The following KDM5C variants were observed in gnomAD, a reference collection of about 807,000 sequenced individuals.
KDM5C encodes the protein lysine-specific demethylase 5C.
A neutral mutation model predicts 110.6 loss-of-function variants in KDM5C; 16 were observed. The observed-to-expected ratio is 0.14, with a 90% CI of 0.10 to 0.22. The LOEUF is 0.22. KDM5C is among the 10% of genes least tolerant of loss of function. The pLI is 1.00. For synonymous variants in KDM5C, 511 were observed against 520.4 expected, an observed-to-expected ratio of 0.98 and a Z score of 0.24; for missense variants, 681 against 1,300.9, an observed-to-expected ratio of 0.52 and a Z score of 7.33.
chrX:53,214,636 TGAAG>T, intron 8 of KDM5C, 49 bp downstream of exon 8: 2 of 1,166,454 alleles, frequency 1.7e-6, no homozygotes, highest in South Asian at 3.8e-5. Flanking sequence ...TAAGGCCAGA[TGAAG>T]GAAGGCAAGG....
chrX:53,186,628 G>C (rs976202392), downstream of KDM5C, among the ~76,000 whole-genome samples: 3 of 112,576 alleles, frequency 2.7e-5, no homozygotes, highest in Non-Finnish European at 5.6e-5. Context: ...CTGTGACCAG[G>C]TGACTAAGGG....
chrX:53,223,476 G>C (rs782187174), intron 1 of KDM5C, among the ~76,000 whole-genome samples: 2 of 111,261 alleles, frequency 1.8e-5, no homozygotes, highest in African/African-American at 6.5e-5. Flanking sequence ...CACCAAGTTG[G>C]ATAAGGAGGC....
chrX:53,212,034 C>A (rs782518231), intron 8 of KDM5C, 128 bp from the exon 9 acceptor site: 1 of 802,722 alleles, frequency 1.2e-6, no homozygotes, highest in Admixed American at 2.6e-5. Context: ...GCCCCTGAGG[C>A]AGGCCTTACT....
chrX:53,224,318 C>A (rs1448172645), intron 1 of KDM5C, among the ~76,000 whole-genome samples: 1 of 112,074 alleles, frequency 8.9e-6, no homozygotes, highest in Admixed American at 9.4e-5. Context: ...AGTCTGTCTC[C>A]CTTCAGGACT....
Position 53,216,223 on chromosome X carries a change from A to C in KDM5C, c.658-26T>G, listed in dbSNP as rs782691966. ...CTGGAAGGAAAGAAGGAAATGAATC[A>C]AGACTGCTATCTGGGGCAGACTGTC... On this transcript the variant is annotated intron_variant, in intron 5 of 25. Transcript: ENST00000375401. 12 of 1,208,362 alleles carry C rather than the reference A, an allele frequency of 9.9e-6. No individual in the cohort carries two copies. The East Asian group carries it at 3.6e-4, about 36-fold the overall frequency.
In KDM5C at chrX:53,216,062, G is replaced by T; in HGVS notation, c.781+12C>A. ...TCCCCAGGTGAGGCCACCCCAGCCT[G>T]TTAGGCCTTACCTTTCTTCCGCAGA... is the stretch of plus-strand genomic sequence containing the variant. On this transcript the variant is annotated intron_variant, in intron 6 of 25. Transcript: ENST00000375401. The T allele has an allele frequency of 8.2e-7, 1 of 1,212,442 alleles. No homozygotes were observed. Among genetic ancestry groups the T allele is most frequent in the Non-Finnish European group, 1.1e-6 (1 of 895,651 alleles).
chrX:53,216,083 G>A lies in KDM5C; in HGVS notation c.772C>T (p.Arg258Trp), dbSNP rs1569278482. 3 of 1,211,185 alleles carry A rather than the reference G, an allele frequency of 2.5e-6. No homozygotes were observed. The highest frequency in any genetic ancestry group is 1.7e-5 in the African/African-American group (1 of 57,554). The change falls in exon 6 of 26, where the codon CGG (arginine) becomes TGG (tryptophan). Residue 258 changes from arginine (R) to tryptophan (W), a missense_variant. Around this residue, in one of 14 missense-constraint regions of KDM5C, gnomAD observed 71 missense variants for 115.0 expected, o/e 0.62. Transcript: ENST00000375401. ...GCCTGTTAGGCCTTACCTTTCTTCC[G>A]CAGAGTCTTGTCTTTGGCCATGAGG... ...LGLMAKDKTL[R>W]KKDKEGPECP...
At chrX:53,206,406 A>G (rs929964397) in intron 12 of KDM5C, among the ~76,000 whole-genome samples, 2 of 111,727 alleles carry the variant, frequency 1.8e-5, no homozygotes, top group Non-Finnish European at 3.8e-5. Context: ...GCACAACTCC[A>G]TAAATTTACT....
intron 12 of KDM5C, 173 bp from the exon 13 acceptor site, chrX:53,202,146 G>C: frequency 2.0e-6 from 1 of 509,456 alleles, no homozygotes; most frequent in South Asian, 3.0e-5. Flanking sequence ...CTGCTCTCAA[G>C]GTTTTGATGT....
rs112081027 is a variant in KDM5C, at chrX:53,220,656, T to A, written c.228+183A>T. ...AATGCTAAATGCCCCTGGCTCTTGG[T>A]TATATTTAGAGCTCTAAAGCTTCTT... On this transcript the variant is annotated intron_variant, in intron 2 of 25. Transcript: ENST00000375401. 0.025 allele frequency among the ~76,000 whole-genome samples: 2,791 copies of A among 112,185 alleles called. 91 individuals carry two copies. The highest frequency in any genetic ancestry group is 0.086 in the African/African-American group (2,650 of 30,790).
chrX:53,192,773 GC>G lies in KDM5C; in HGVS notation c.*193del. 1 of 1,142,023 alleles carries G rather than the reference GC, an allele frequency of 8.8e-7. No individual in the cohort carries two copies. Among genetic ancestry groups the G allele is most frequent in the Middle Eastern group, 3.0e-4 (1 of 3,335 alleles). The allele number at this position is 1,142,023 out of a possible 1,213,427, so 94.1% of individuals were successfully genotyped here. On this transcript the variant is annotated 3_prime_UTR_variant, in exon 26 of 26. Coordinates refer to ENST00000375401, the MANE Select transcript of KDM5C (RefSeq NM_004187.5). ...CAGGGAGGGAAGACTCCAGGGGCCG[GC>G]CCCCAGGAGCTGAGGTCTGAACAAT...
In KDM5C at chrX:53,197,996, T is replaced by A. The variant is rs1381673266; in HGVS notation, c.2517-120A>T. ...CCACCTTGATCTCGCATATTTCAAA[T>A]TTGCCCCAATTGCCCAGGTTAGAGG... On this transcript the variant is annotated intron_variant, in intron 17 of 25. Coordinates refer to ENST00000375401, the MANE Select transcript of KDM5C (RefSeq NM_004187.5). 3 of 572,724 alleles carry A rather than the reference T, an allele frequency of 5.2e-6. No individual in the cohort carries two copies. The East Asian group carries it at 1.1e-4, about 21-fold the overall frequency. 47.2% of individuals were successfully genotyped at this position (572,724 alleles called of 1,213,427 possible). A position where few individuals can be genotyped will look rare whatever the true frequency, so the allele number is the denominator to read the frequency against.
At chrX:53,222,372 A>C (rs2073922115) in intron 1 of KDM5C, among the ~76,000 whole-genome samples, 1 of 109,730 alleles carries the variant, frequency 9.1e-6, no homozygotes, top group African/African-American at 3.3e-5. Flanking sequence ...AAAAAAAAAA[A>C]AAAACAGGCA....
chrX:53,216,569 AG>A (rs1401646206), intron 5 of KDM5C, among the ~76,000 whole-genome samples: 1 of 112,272 alleles, frequency 8.9e-6, no homozygotes, highest in Non-Finnish European at 1.9e-5. Flanking sequence ...CGATGAGCCC[AG>A]GGACAGTGTC....
chrX:53,193,812 G>A lies in KDM5C; in HGVS notation c.4078C>T (p.Pro1360Ser). 1 of 1,211,299 alleles carries A rather than the reference G, an allele frequency of 8.3e-7. No homozygotes were observed. The highest frequency in any genetic ancestry group is 3.0e-5 in the East Asian group (1 of 33,819). The change falls in exon 24 of 26, where the codon CCT becomes TCT. Residue 1360 changes from proline to serine, a missense_variant. Pro to Ser is a moderately conservative substitution (Grantham distance 74, BLOSUM62 -1). Coordinates refer to ENST00000375401, the MANE Select transcript of KDM5C (RefSeq NM_004187.5). ...LLENGDSVTS[P>S]EKVAPEEGSG... ...CCCTCCTCCGGGGCTACCTTCTCAG[G>A]ACTGGTCACACTGTCTCCATTCTCC...
intron 18 of KDM5C, 155 bp downstream of exon 18, chrX:53,197,616 C>G (rs782483321): frequency 7.0e-5 from 35 of 500,059 alleles, no homozygotes; most frequent in Non-Finnish European, 1.1e-4. Flanking sequence ...AGACAAGTCA[C>G]TAGACCCTTG....
At chrX:53,218,067 G>A in intron 3 of KDM5C, 101 bp from the exon 4 acceptor site, 1 of 935,600 alleles carries the variant, frequency 1.1e-6, no homozygotes, top group Non-Finnish European at 1.5e-6. Context: ...GGCAACTCTA[G>A]TCCCTCACTT....
rs1173641591 is a variant in KDM5C at position 53,180,719 on chromosome X, C to CTTTTT, written c.4309-4102_4309-4098dup. On this transcript the variant is annotated intron_variant, in intron 25 of 25. Coordinates refer to the KDM5C transcript ENST00000685641. ...CTGGGATTACCACCACCACACCCGG[C>CTTTTT]TTTTTTTTTTTTTTTTTTTTTTTTT... is the stretch of plus-strand genomic sequence containing the variant. Among the ~76,000 whole-genome samples the CTTTTT allele has an allele frequency of 2.6e-4, 8 of 30,276 alleles. 2 individuals are homozygous for CTTTTT. Among genetic ancestry groups the CTTTTT allele is most frequent in the Non-Finnish European group, 3.7e-4 (7 of 18,730 alleles). The allele number at this position is 30,276 out of a possible 115,157, so 26.3% of individuals were successfully genotyped here. A position where few individuals can be genotyped will look rare whatever the true frequency, so the allele number is the denominator to read the frequency against.
At chrX:53,208,665 C>A (rs2073447349) in intron 12 of KDM5C, among the ~76,000 whole-genome samples, 1 of 105,571 alleles carries the variant, frequency 9.5e-6, no homozygotes. Context: ...GCCACCACGC[C>A]CGGCTAATTC....
Sources: gnomAD v4.1 joint callset for allele counts (sites outside exome capture counted in the v4.1 genomes callset) on GRCh38, gnomAD v4.1.1 for gene constraint, gnomAD v4.1.1 regional missense constraint, MANE v1.5 for transcripts, NCBI Gene and HGNC (gene_info 2026-07-23, HGNC 2026-07-21) for gene names.